The following TMCO5A variants were observed in gnomAD, a reference collection of about 807,000 sequenced individuals.
TMCO5A encodes the protein transmembrane and coiled-coil domain-containing protein 5A.
A neutral mutation model predicts 42.3 loss-of-function variants in TMCO5A; 34 were observed. The ratio of observed to expected loss-of-function variants is 0.80; its 90% CI spans 0.61 to 1.07. The LOEUF (loss-of-function observed/expected upper bound fraction) is 1.07. Among genes scored for constraint, TMCO5A ranks in the 50% least tolerant of loss-of-function variants. The pLI, the probability that TMCO5A is intolerant of heterozygous loss-of-function variation, is 0.00. For synonymous variants in TMCO5A, 131 were observed against 115.6 expected (o/e 1.13, Z -0.86); for missense variants, 357 against 327.9 (o/e 1.09, Z -0.69).
chr15:37,937,014 T>G, intron 4 of TMCO5A, 44 bp downstream of exon 4: 1 of 1,607,114 alleles, frequency 6.2e-7, no homozygotes, highest in Non-Finnish European at 8.5e-7. Context: ...GTTGCATTCC[T>G]CATTCCATCC....
At chr15:38,014,852 ATT>A in the TMCO5A span, among the ~76,000 whole-genome samples, 1 of 48,006 alleles carries the variant, frequency 2.1e-5, no homozygotes, top group Non-Finnish European at 3.8e-5. Context: ...TAGGAGAAAG[ATT>A]ATATATATAT....
chr15:38,014,918 T>C, the TMCO5A span, among the ~76,000 whole-genome samples: 1 of 127,246 alleles, frequency 7.9e-6, no homozygotes, highest in Non-Finnish European at 1.6e-5. Flanking sequence ...AAGTATTAAC[T>C]TACACAATCA....
chr15:37,954,269 A>G (rs1890230842), downstream of TMCO5A, among the ~76,000 whole-genome samples: 1 of 152,150 alleles, frequency 6.6e-6, no homozygotes, highest in African/African-American at 2.4e-5. Context: ...CAAATTCCCA[A>G]AGGTCAAGGA....
chr15:37,973,010 C>A, the TMCO5A span, among the ~76,000 whole-genome samples: 1 of 152,154 alleles, frequency 6.6e-6, no homozygotes, highest in South Asian at 2.1e-4. Context: ...ACCAGTTATT[C>A]CAGTTCCATT....
chr15:37,960,457 A>G (rs1226789091), intron 11 of TMCO5A, among the ~76,000 whole-genome samples: 1 of 152,112 alleles, frequency 6.6e-6, no homozygotes, highest in Non-Finnish European at 1.5e-5. Context: ...GGTTGGTTCC[A>G]TGATTTTGCA....
the TMCO5A span, among the ~76,000 whole-genome samples, chr15:38,004,171 T>C: frequency 6.6e-6 from 1 of 152,156 alleles, no homozygotes; most frequent in Admixed American, 6.5e-5. Flanking sequence ...CGGGTTTCCT[T>C]CTAGCCCAGA....
At chr15:37,979,570 T>C in the TMCO5A span, among the ~76,000 whole-genome samples, 4 of 151,984 alleles carry the variant, frequency 2.6e-5, no homozygotes, top group African/African-American at 9.7e-5. Context: ...GGGGATGGGG[T>C]GAGTGGGGAC....
In TMCO5A at chr15:37,938,184, CA is replaced by C; in HGVS notation, c.344del (p.Asn115IlefsTer11). The stretch of plus-strand genomic sequence containing the variant: ...TTACAAGGAAATCACAAAAGATAAC[CA>C]ATTGTGAACAAAGCAGTCCAGATGG... ...KLTRKSQKIT[N>X]CEQSSPDGAL... On this transcript the variant is annotated frameshift_variant, in exon 6 of 12. Transcript: ENST00000319669. LOFTEE classifies it high-confidence loss of function. 1 of 1,581,588 alleles carries C rather than the reference CA, an allele frequency of 6.3e-7. No homozygotes were observed. Among genetic ancestry groups the C allele is most frequent in the Admixed American group, 1.7e-5 (1 of 57,542 alleles).
At chr15:37,938,376 T>C in intron 6 of TMCO5A, 147 bp downstream of exon 6, 1 of 660,102 alleles carries the variant, frequency 1.5e-6, no homozygotes, top group Non-Finnish European at 2.6e-6. Context: ...GAGTGCTGAA[T>C]TCTTCTCTGC....
the TMCO5A span, among the ~76,000 whole-genome samples, chr15:38,023,882 C>A: frequency 6.6e-6 from 1 of 152,146 alleles, no homozygotes; most frequent in Non-Finnish European, 1.5e-5. Context: ...TAGCTCTGTT[C>A]TCTCATGTTA....
At chr15:37,972,858 G>A in the TMCO5A span, among the ~76,000 whole-genome samples, 1 of 152,112 alleles carries the variant, frequency 6.6e-6, no homozygotes, top group African/African-American at 2.4e-5. Flanking sequence ...TTGTGAGGAC[G>A]TATGTCTACA....
At chr15:38,030,302 A>G in the TMCO5A span, among the ~76,000 whole-genome samples, 65 of 152,144 alleles carry the variant, frequency 4.3e-4, no homozygotes, top group Admixed American at 2.9e-3. Flanking sequence ...ACCATCCAGA[A>G]CTCAAGAAGA....
intron 11 of TMCO5A, among the ~76,000 whole-genome samples, chr15:37,962,251 G>A (rs756457481): frequency 5.9e-5 from 9 of 152,052 alleles, no homozygotes; most frequent in Non-Finnish European, 7.4e-5. Flanking sequence ...ATCATAAAGC[G>A]ATGCTGTATT....
At chr15:37,936,202 C>A in intron 2 of TMCO5A, 112 bp from the exon 3 acceptor site, 1 of 1,241,336 alleles carries the variant, frequency 8.1e-7, no homozygotes, top group Non-Finnish European at 1.1e-6. Context: ...TGGTATGCCC[C>A]CAGAGAGAGT....
At chr15:37,948,772 A>G (rs1036216333) in intron 11 of TMCO5A, among the ~76,000 whole-genome samples, 9 of 152,202 alleles carry the variant, frequency 5.9e-5, no homozygotes, top group Non-Finnish European at 1.2e-4. Context: ...GCACTAACTC[A>G]AGAGACAAGA....
At chr15:37,979,616 G>A in the TMCO5A span, among the ~76,000 whole-genome samples, 1 of 152,198 alleles carries the variant, frequency 6.6e-6, no homozygotes, top group Non-Finnish European at 1.5e-5. Context: ...AGGAGTAGTA[G>A]GGACAGCGAA....
downstream of TMCO5A, among the ~76,000 whole-genome samples, chr15:37,951,812 C>T (rs1425778677): frequency 1.3e-5 from 2 of 152,092 alleles, no homozygotes; most frequent in Non-Finnish European, 2.9e-5. Flanking sequence ...CAGGAGAGCA[C>T]TCAGAGTCTG....
At chr15:37,991,591 G>A in the TMCO5A span, among the ~76,000 whole-genome samples, 7 of 151,922 alleles carry the variant, frequency 4.6e-5, no homozygotes, top group Admixed American at 4.6e-4. Context: ...CTGGTCTGAT[G>A]GTGTCCCACA....
chr15:38,006,925 C>G, the TMCO5A span, among the ~76,000 whole-genome samples: 1 of 151,750 alleles, frequency 6.6e-6, no homozygotes, highest in South Asian at 2.1e-4. Flanking sequence ...GTCACAACAA[C>G]TCAAATCTGC....
Sources: allele counts gnomAD v4.1 joint callset (sites outside exome capture counted in the v4.1 genomes callset), GRCh38; gene constraint gnomAD v4.1.1; transcripts MANE v1.5; gene names NCBI Gene and HGNC (gene_info 2026-07-23, HGNC 2026-07-21).